The following LCORL variants were observed in gnomAD, a reference collection of about 807,000 sequenced individuals.
The protein encoded by LCORL is ligand dependent nuclear receptor corepressor like.
LCORL carries 41 observed loss-of-function variants against 141.8 expected under a neutral mutation model. The observed-to-expected ratio is 0.29, with a 90% CI of 0.23 to 0.38. The LOEUF is 0.38. LCORL is among the 10% of genes least tolerant of loss of function. The pLI is 1.00. For missense variants in LCORL, 1,759 were observed against 2,035.0 expected, an observed-to-expected ratio of 0.86 and a Z score of 2.61; for synonymous variants, 618 against 694.1, an observed-to-expected ratio of 0.89 and a Z score of 1.72.
chr4:17,890,504 C>T (rs576845004), intron 5 of LCORL, among the ~76,000 whole-genome samples: 102 of 151,990 alleles, frequency 6.7e-4, no homozygotes, highest in African/African-American at 2.3e-3. Context: ...ACAAGTAACA[C>T]GTTTATTAAT....
At chr4:17,874,487 A>G (rs1726706780) in exon 7 of LCORL, 1 of 1,233,806 alleles carries the variant, frequency 8.1e-7, no homozygotes, top group African/African-American at 1.6e-5. Flanking sequence ...GTTCATTCAA[A>G]TCATACTTTT....
Position 18,021,066 on chromosome 4 carries a change from G to A in LCORL, c.154+532C>T, listed in dbSNP as rs890022859. Among the ~76,000 whole-genome samples, 8 of 152,000 alleles carry A rather than the reference G, an allele frequency of 5.3e-5. No homozygotes were observed. Among genetic ancestry groups the A allele is most frequent in the Non-Finnish European group, 5.9e-5 (4 of 67,946 alleles). ...GGCCCATCAGCGGCCCCCGCCCTGC[G>A]AGTGCCCGTGGGTCTCCAGGTCCAG... On this transcript the variant is annotated intron_variant, in intron 1 of 7. Coordinates refer to ENST00000635767, the Ensembl canonical transcript of LCORL. The surrounding 1 kb of genome is among the most constrained non-coding windows in gnomAD (Gnocchi z 5.5).
At chr4:17,883,160 G>A (rs1416170636) in intron 6 of LCORL, 9 of 981,572 alleles carry the variant, frequency 9.2e-6, no homozygotes, top group Admixed American at 1.2e-4. Context: ...GCACTTGAGT[G>A]CATTTTGTAT....
At chr4:17,970,922 T>C (rs565614956) in intron 2 of LCORL, among the ~76,000 whole-genome samples, 56 of 152,268 alleles carry the variant, frequency 3.7e-4, no homozygotes, top group African/African-American at 1.2e-3. Flanking sequence ...ATTTATAATA[T>C]TGGATAAAGT....
intron 7 of LCORL, among the ~76,000 whole-genome samples, chr4:17,859,000 A>G (rs1437282506): frequency 6.6e-6 from 1 of 152,212 alleles, no homozygotes; most frequent in Non-Finnish European, 1.5e-5. Context: ...AAGTAGAACA[A>G]TATCTGTAAA....
intron 1 of LCORL, among the ~76,000 whole-genome samples, chr4:17,989,334 C>G (rs1200402043): frequency 6.6e-6 from 1 of 152,134 alleles, no homozygotes; most frequent in Non-Finnish European, 1.5e-5. Context: ...ATATCTTTAT[C>G]AGAATAAAGA....
chr4:17,845,554 C>A, exon 8 of LCORL: 1 of 402,488 alleles, frequency 2.5e-6, no homozygotes, highest in Non-Finnish European at 4.1e-6. Context: ...TGATGTAAAA[C>A]ATGTAAAAAA....
chr4:17,932,210 T>C (rs1217513813), intron 4 of LCORL, among the ~76,000 whole-genome samples: 2 of 152,198 alleles, frequency 1.3e-5, no homozygotes, highest in East Asian at 3.8e-4. Context: ...TCTTGCTTCA[T>C]GAACCATTCT....
At chr4:17,981,420 T>G (rs961942013) in intron 1 of LCORL, among the ~76,000 whole-genome samples, 2 of 152,190 alleles carry the variant, frequency 1.3e-5, no homozygotes, top group Non-Finnish European at 2.9e-5. Flanking sequence ...TAATTTGCAG[T>G]TCTCTATTAC....
intron 7 of LCORL, among the ~76,000 whole-genome samples, chr4:17,866,426 C>A (rs1725661768): frequency 6.6e-6 from 1 of 152,154 alleles, no homozygotes; most frequent in African/African-American, 2.4e-5. Flanking sequence ...GGTTTTGCCC[C>A]CACTATTTTG....
At chr4:17,914,804 T>C (rs562934211) in intron 4 of LCORL, among the ~76,000 whole-genome samples, 1 of 152,182 alleles carries the variant, frequency 6.6e-6, no homozygotes, top group Non-Finnish European at 1.5e-5. Flanking sequence ...TTTTGCCTTA[T>C]TTCTTCACTT....
chr4:17,957,565 G>C (rs1054675982), intron 4 of LCORL, among the ~76,000 whole-genome samples: 4 of 151,950 alleles, frequency 2.6e-5, no homozygotes, highest in African/African-American at 9.7e-5. Flanking sequence ...TCTGGGTGAT[G>C]ATGGGATGAA....
chr4:17,998,982 A>AT (rs1721395557), intron 1 of LCORL, among the ~76,000 whole-genome samples: 1 of 63,680 alleles, frequency 1.6e-5, no homozygotes, highest in Non-Finnish European at 3.3e-5. Flanking sequence ...AAAAAAAAAA[A>AT]AAAATATATA....
chr4:17,956,764 T>C (rs1389248929), intron 4 of LCORL, among the ~76,000 whole-genome samples: 1 of 152,068 alleles, frequency 6.6e-6, no homozygotes, highest in Admixed American at 6.5e-5. Flanking sequence ...CAATATATTG[T>C]ATTTTTCAAA....
At chr4:17,949,631 T>C (rs1739411585) in intron 4 of LCORL, among the ~76,000 whole-genome samples, 1 of 152,194 alleles carries the variant, frequency 6.6e-6, no homozygotes, top group African/African-American at 2.4e-5. Context: ...TTGTAAAGCC[T>C]GTATTGGAAA....
chr4:17,890,312 GTATT>G (rs1728893690), intron 5 of LCORL, among the ~76,000 whole-genome samples: 2 of 152,024 alleles, frequency 1.3e-5, no homozygotes, highest in Non-Finnish European at 2.9e-5. Flanking sequence ...AAAAGACAGT[GTATT>G]TATTATGCCA....
At chr4:17,858,323 G>GA (rs201799196) in intron 7 of LCORL, among the ~76,000 whole-genome samples, 123 of 145,258 alleles carry the variant, frequency 8.5e-4, no homozygotes, top group South Asian at 6.3e-3. Context: ...ATAAGGAGAG[G>GA]AAAAAAAAAA....
chr4:17,888,255 A>G (rs539759434), intron 5 of LCORL, among the ~76,000 whole-genome samples: 1 of 152,272 alleles, frequency 6.6e-6, no homozygotes. Context: ...TCCACAGATT[A>G]GAAGGGTAAA....
At chr4:17,947,332 G>A (rs1739041250) in intron 4 of LCORL, among the ~76,000 whole-genome samples, 1 of 151,864 alleles carries the variant, frequency 6.6e-6, no homozygotes, top group African/African-American at 2.4e-5. Flanking sequence ...AAATCCAGGA[G>A]AATCAAATTC....
Sources: allele counts gnomAD v4.1 joint callset (sites outside exome capture counted in the v4.1 genomes callset), GRCh38; gene constraint gnomAD v4.1.1; non-coding constraint Gnocchi (gnomAD v3.1); transcripts MANE v1.5; gene names NCBI Gene and HGNC (gene_info 2026-07-23, HGNC 2026-07-21).